UTS2: variants seen among roughly 807,000 people sequenced by gnomAD.
UTS2 encodes urotensin-2.
A neutral mutation model predicts 12.6 loss-of-function variants in UTS2; 10 were observed. The ratio of observed to expected loss-of-function variants is 0.80; its 90% confidence interval spans 0.49 to 1.35. The LOEUF (loss-of-function observed/expected upper bound fraction) is 1.35, where lower values mean the gene tolerates loss of function less well. UTS2 is among the 40% of genes most tolerant of loss of function. UTS2 has a pLI of 0.00. For synonymous variants in UTS2, 52 were observed against 50.0 expected, an observed-to-expected ratio of 1.04 and a Z score of -0.17; for missense variants, 142 against 143.2, an observed-to-expected ratio of 0.99 and a Z score of 0.04.
upstream of UTS2, among the ~76,000 whole-genome samples, chr1:7,857,107 T>TGAGGGAAGGAAGGAAGGAAGGAAG: frequency 2.4e-5 from 3 of 125,370 alleles, no homozygotes; most frequent in Admixed American, 2.7e-4. Context: ...AGAAAAGGAA[T>TGAGGGAAGGAAGGAAGGAAGGAAG]GAAGGAAGGA....
chr1:7,856,884 A>C (rs2151385274), upstream of UTS2, among the ~76,000 whole-genome samples: 1 of 152,226 alleles, frequency 6.6e-6, no homozygotes, highest in African/African-American at 2.4e-5. Flanking sequence ...AATATGGTGA[A>C]ACCCCATCTC....
the UTS2 span, among the ~76,000 whole-genome samples, chr1:7,895,972 C>T: frequency 2.6e-5 from 4 of 152,092 alleles, no homozygotes; most frequent in Non-Finnish European, 2.9e-5. Context: ...GCAACATGCA[C>T]CTTTATATCA....
chr1:7,850,296 TC>T (rs1383678223), intron 2 of UTS2, among the ~76,000 whole-genome samples: 1 of 152,042 alleles, frequency 6.6e-6, no homozygotes, highest in Non-Finnish European at 1.5e-5. Context: ...TTCCAGAACT[TC>T]CTGAGCATAT....
chr1:7,901,216 G>A, the UTS2 span, among the ~76,000 whole-genome samples: 2 of 152,204 alleles, frequency 1.3e-5, no homozygotes, highest in Admixed American at 6.5e-5. Flanking sequence ...GCTTGGATGT[G>A]AAGCAGGCTA....
At chr1:7,847,911 C>G in intron 3 of UTS2, 29 bp from the exon 4 acceptor site, 3 of 1,392,342 alleles carry the variant, frequency 2.2e-6, no homozygotes, top group Admixed American at 2.0e-5. Context: ...ACAACAACAA[C>G]AAAAAAAAAC....
At chr1:7,867,795 G>A in the UTS2 span, among the ~76,000 whole-genome samples, 4 of 152,276 alleles carry the variant, frequency 2.6e-5, no homozygotes, top group Admixed American at 2.6e-4. Flanking sequence ...AGAATCGCTT[G>A]AACCCGGGAG....
chr1:7,890,868 C>G, the UTS2 span, among the ~76,000 whole-genome samples: 1 of 147,794 alleles, frequency 6.8e-6, no homozygotes, highest in Admixed American at 6.8e-5. Flanking sequence ...AAAAACCTAA[C>G]CACTCTGTTC....
chr1:7,889,694 A>G, the UTS2 span, among the ~76,000 whole-genome samples: 1 of 152,032 alleles, frequency 6.6e-6, no homozygotes, highest in Non-Finnish European at 1.5e-5. Context: ...AGTAGTGGGC[A>G]CCTGTAGTCC....
the UTS2 span, among the ~76,000 whole-genome samples, chr1:7,903,638 C>T: frequency 3.1e-4 from 47 of 150,446 alleles, no homozygotes; most frequent in African/African-American, 1.1e-3. Flanking sequence ...GATCCTCCCA[C>T]GTCGGCCTCT....
the UTS2 span, among the ~76,000 whole-genome samples, chr1:7,863,549 CTCTG>C: frequency 6.6e-6 from 1 of 152,234 alleles, no homozygotes; most frequent in African/African-American, 2.4e-5. Flanking sequence ...AAGCAGAGAG[CTCTG>C]TCTGTTTTGC....
chr1:7,890,964 T>TCCCCC, the UTS2 span, among the ~76,000 whole-genome samples: 113 of 82,866 alleles, frequency 1.4e-3, 1 homozygote, highest in Non-Finnish European at 2.0e-3. Flanking sequence ...TGTGATACCC[T>TCCCCC]CCACCCCCCC....
chr1:7,886,335 T>C, the UTS2 span, among the ~76,000 whole-genome samples: 4 of 152,358 alleles, frequency 2.6e-5, no homozygotes, highest in Admixed American at 6.5e-5. Context: ...ATATTTGTCA[T>C]TTCTAAATAG....
chr1:7,893,884 T>C, the UTS2 span, among the ~76,000 whole-genome samples: 64,060 of 151,996 alleles, frequency 0.42, 14,306 homozygotes, highest in African/African-American at 0.56. Flanking sequence ...ACACCATCAT[T>C]CACTTTAATG....
upstream of UTS2, among the ~76,000 whole-genome samples, chr1:7,856,783 G>A (rs1173483736): frequency 2.0e-5 from 3 of 152,114 alleles, no homozygotes; most frequent in Admixed American, 6.6e-5. Context: ...GAAAACAGCC[G>A]GGCACGGTGG....
chr1:7,901,635 T>C, the UTS2 span, among the ~76,000 whole-genome samples: 1 of 150,760 alleles, frequency 6.6e-6, no homozygotes, highest in African/African-American at 2.4e-5. Flanking sequence ...TGTGTGTATA[T>C]ATATATTTAT....
the UTS2 span, among the ~76,000 whole-genome samples, chr1:7,863,014 T>C: frequency 9.2e-5 from 2 of 21,840 alleles, no homozygotes; most frequent in African/African-American, 3.0e-4. Context: ...TATTGTATTG[T>C]ATTGTATTGT....
the UTS2 span, among the ~76,000 whole-genome samples, chr1:7,906,140 G>A: frequency 6.6e-6 from 1 of 152,138 alleles, no homozygotes; most frequent in Non-Finnish European, 1.5e-5. Context: ...ATTGCATGAG[G>A]TGCATGGGGT....
intron 2 of UTS2, among the ~76,000 whole-genome samples, chr1:7,850,262 A>G (rs1445146166): frequency 6.6e-6 from 1 of 152,012 alleles, no homozygotes; most frequent in Admixed American, 6.6e-5. Flanking sequence ...GAGCCACCGC[A>G]CCCAGCAAAA....
At chr1:7,872,298 T>C in the UTS2 span, among the ~76,000 whole-genome samples, 1 of 8,374 alleles carries the variant, frequency 1.2e-4, no homozygotes, top group Non-Finnish European at 1.9e-4. Context: ...AGACTCTGTC[T>C]CAAAAAAAAA....
Sources: gnomAD v4.1 joint callset for allele counts (sites outside exome capture counted in the v4.1 genomes callset) on GRCh38, gnomAD v4.1.1 for gene constraint, MANE v1.5 for transcripts, NCBI Gene and HGNC (gene_info 2026-07-23, HGNC 2026-07-21) for gene names.